Variants in KIAA1210 observed in about 807,000 individuals in gnomAD.
The protein encoded by KIAA1210 is KIAA1210, also known as acrosomal protein KIAA1210.
In KIAA1210, 48 loss-of-function variants were observed where a neutral mutation model predicts 78.9. That is an observed-to-expected ratio of 0.61 (90% confidence interval 0.48 to 0.77). The LOEUF (loss-of-function observed/expected upper bound fraction) is 0.77. KIAA1210 is among the 30% of genes least tolerant of loss of function. KIAA1210 has a pLI of 0.00. For synonymous variants in KIAA1210, 406 were observed against 404.5 expected (o/e 1.00, Z -0.04); for missense variants, 1,108 against 1,100.0 (o/e 1.01, Z -0.10).
chrX:119,094,823 C>T (rs778697575), intron 7 of KIAA1210, among the ~76,000 whole-genome samples: 2 of 111,468 alleles, frequency 1.8e-5, no homozygotes, highest in East Asian at 5.6e-4. Context: ...AATGCCCGGG[C>T]TTTTTCTCAA....
At chrX:119,089,894 G>T (rs1428687666) in intron 8 of KIAA1210, 148 bp from the exon 9 acceptor site, 3 of 507,489 alleles carry the variant, frequency 5.9e-6, no homozygotes, top group Non-Finnish European at 9.6e-6. Context: ...AGGGCAACAT[G>T]GTCACTATTA....
At chrX:119,135,189 C>T (rs1380700937) in intron 2 of KIAA1210, among the ~76,000 whole-genome samples, 1 of 111,937 alleles carries the variant, frequency 8.9e-6, no homozygotes, top group Non-Finnish European at 1.9e-5. Context: ...CCACTACACT[C>T]TTCTCCTTCC....
Position 119,088,432 on chromosome X carries a change from C to T in KIAA1210, c.2270G>A (p.Gly757Asp). 8.3e-7 allele frequency: 1 copy of T among 1,211,084 alleles called. No individual in the cohort carries two copies. Among genetic ancestry groups the T allele is most frequent in the South Asian group, 1.8e-5 (1 of 56,896 alleles). ...GGAATCGCTCTGTTTTATAGAAGTG[C>T]CCACTGAACTGGTGGGGACTTGTTG... ...VQQQVPTSSV[G>D]TSIKQSDSVE... Residue 757 changes from glycine to aspartate, a missense_variant, in exon 9 of 12, where the codon GGC becomes GAC. Gly to Asp is a moderately conservative substitution (Grantham distance 94). Transcript: ENST00000691062.
At chrX:119,130,050 A>G (rs747940643), upstream of KIAA1210, among the ~76,000 whole-genome samples, 44 of 112,326 alleles carry the variant, frequency 3.9e-4, no homozygotes, top group Non-Finnish European at 7.1e-4. Context: ...TGATATTTAG[A>G]AAAAGCTACA....
intron 3 of KIAA1210, among the ~76,000 whole-genome samples, chrX:119,112,735 A>G (rs1317883549): frequency 1.8e-5 from 2 of 112,025 alleles, no homozygotes; most frequent in African/African-American, 6.5e-5. Context: ...TGGTGCCCCC[A>G]TACATTGCTG....
chrX:119,110,562 G>A (rs1928039324), intron 3 of KIAA1210, among the ~76,000 whole-genome samples: 1 of 111,699 alleles, frequency 9.0e-6, no homozygotes, highest in African/African-American at 3.2e-5. Flanking sequence ...ATAATTTTGT[G>A]TATAAAACTC....
intron 7 of KIAA1210, among the ~76,000 whole-genome samples, chrX:119,095,533 G>A (rs1484134530): frequency 9.0e-6 from 1 of 110,928 alleles, no homozygotes; most frequent in South Asian, 3.8e-4. Context: ...GGATTACAGG[G>A]ATGTGCTACC....
At chrX:119,102,671 A>G (rs1037986414) in intron 6 of KIAA1210, among the ~76,000 whole-genome samples, 1 of 112,188 alleles carries the variant, frequency 8.9e-6, no homozygotes, top group Admixed American at 9.5e-5. Context: ...AGCACTCAAA[A>G]TTAACTCTTT....
At chrX:119,110,331 C>A (rs190092507) in intron 3 of KIAA1210, among the ~76,000 whole-genome samples, 1 of 112,033 alleles carries the variant, frequency 8.9e-6, no homozygotes, top group Admixed American at 9.5e-5. Context: ...TAAATGCACT[C>A]AATCTTGATA....
intron 10 of KIAA1210, among the ~76,000 whole-genome samples, chrX:119,084,228 T>C (rs1927060869): frequency 9.0e-6 from 1 of 110,768 alleles, no homozygotes; most frequent in Admixed American, 9.7e-5. Context: ...GAGTCAGTTT[T>C]CTGCAGGTTT....
At chrX:119,130,363 C>T (rs957453554), upstream of KIAA1210, among the ~76,000 whole-genome samples, 1 of 112,501 alleles carries the variant, frequency 8.9e-6, no homozygotes, top group Admixed American at 9.4e-5. Flanking sequence ...ATTCCCACAT[C>T]CTTGAAATTA....
At chrX:119,089,844 T>A in intron 8 of KIAA1210, 98 bp from the exon 9 acceptor site, 2 of 815,542 alleles carry the variant, frequency 2.5e-6, no homozygotes, top group Non-Finnish European at 3.4e-6. Context: ...TATTTGCTAC[T>A]AAATTTCCTA....
Position 119,088,482 on chromosome X carries a change from C to A in KIAA1210, c.2220G>T (p.Gln740His). ...MQQLPSRCPS[Q>H]PIMNPTVQQQ... ...GCTGAACAGTAGGATTCATAATGGG[C>A]TGAGAAGGGCATCTGGAAGGCAGCT... The change falls in exon 9 of 12, where the codon CAG becomes CAT. Residue 740 changes from glutamine to histidine, a missense_variant. This residue lies in a region of KIAA1210 where 672 missense variants were observed against 607.1 expected (regional missense o/e 1.11). Transcript: ENST00000691062. 8.3e-7 allele frequency: 1 copy of A among 1,211,136 alleles called. No homozygotes were observed.
At chrX:119,082,396 A>G (rs1007422447) in intron 11 of KIAA1210, among the ~76,000 whole-genome samples, 4 of 111,839 alleles carry the variant, frequency 3.6e-5, no homozygotes, top group African/African-American at 6.5e-5. Flanking sequence ...AAGGGAGAGG[A>G]CAAAGATGGT....
intron 6 of KIAA1210, among the ~76,000 whole-genome samples, chrX:119,097,416 A>T (rs187427699): frequency 2.0e-4 from 22 of 111,536 alleles, no homozygotes; most frequent in Admixed American, 1.9e-3. Flanking sequence ...CATTTTCCAT[A>T]TCTCAAAGAG....
chrX:119,134,104 A>C (rs1218691882), intron 2 of KIAA1210, among the ~76,000 whole-genome samples: 1 of 111,384 alleles, frequency 9.0e-6, no homozygotes, highest in Non-Finnish European at 1.9e-5. Context: ...TGTATTAACC[A>C]ACCTCTCTTC....
upstream of KIAA1210, among the ~76,000 whole-genome samples, chrX:119,130,194 G>T (rs1603271700): frequency 8.9e-6 from 1 of 112,068 alleles, no homozygotes; most frequent in East Asian, 2.8e-4. Flanking sequence ...AAGGCCCTCT[G>T]CAATCTGGTG....
At chrX:119,121,309 G>A (rs1296160461) in intron 2 of KIAA1210, among the ~76,000 whole-genome samples, 2 of 111,487 alleles carry the variant, frequency 1.8e-5, no homozygotes, top group Non-Finnish European at 3.8e-5. Context: ...GCAGGTATGG[G>A]TAAAAACTCA....
intron 2 of KIAA1210, among the ~76,000 whole-genome samples, chrX:119,141,501 T>C (rs942668986): frequency 8.9e-6 from 1 of 112,520 alleles, no homozygotes; most frequent in Non-Finnish European, 1.9e-5. Flanking sequence ...CCTTATATGT[T>C]ATAGTAGATA....
Sources: allele counts gnomAD v4.1 joint callset (sites outside exome capture counted in the v4.1 genomes callset), GRCh38; gene constraint gnomAD v4.1.1; regional missense constraint gnomAD v4.1.1; transcripts MANE v1.5; gene names NCBI Gene and HGNC (gene_info 2026-07-23, HGNC 2026-07-21).